The following PADI4 variants were observed in gnomAD, a reference collection of about 807,000 sequenced individuals.
PADI4 encodes peptidyl arginine deiminase 4.
In PADI4, 62 loss-of-function variants were observed where a neutral mutation model predicts 75.0. The observed-to-expected ratio is 0.83, with a 90% CI of 0.67 to 1.02. The LOEUF (loss-of-function observed/expected upper bound fraction) is 1.02, where lower values mean the gene tolerates loss of function less well. PADI4 is among the 50% of genes least tolerant of loss of function. The pLI, the probability that PADI4 is intolerant of heterozygous loss-of-function variation, is 0.00. For synonymous variants in PADI4, 361 were observed against 348.1 expected, an observed-to-expected ratio of 1.04 and a Z score of -0.41; for missense variants, 845 against 850.5, an observed-to-expected ratio of 0.99 and a Z score of 0.08.
rs41266003 is a variant in PADI4 at position 17,346,147 on chromosome 1, C to T, written c.1047+8C>T. 293,544 of 1,576,120 alleles carry T rather than the reference C, an allele frequency of 0.19. 30,646 individuals are homozygous for T. Among genetic ancestry groups the T allele is most frequent in the Non-Finnish European group, 0.22 (246,581 of 1,145,978 alleles). ...GATGACCAGTGGATGCAGGTATGTG[C>T]CCTGCGGGGCAGGCAGGGTGACTGT... is the stretch of plus-strand genomic sequence containing the variant. On this transcript the variant is annotated splice_region_variant and intron_variant, in intron 9 of 15. Transcript: ENST00000375448. The surrounding 1 kb of genome is among the most constrained non-coding windows in gnomAD (Gnocchi z 4.3).
rs2074816388 is a variant in PADI4 at position 17,359,364 on chromosome 1, A to G, written c.1714A>G (p.Lys572Glu). Residue 572 changes from lysine (K) to glutamate (E), a missense_variant, in exon 15 of 16, where the codon AAG becomes GAG. Lys to Glu is a moderately conservative substitution (Grantham distance 56, BLOSUM62 1). Transcript: ENST00000375448. ...CATCATTGACATCCCGCAGCTCTTC[A>G]AGCTCAAAGAGTTCTCTAAGGCGGA... is the stretch of plus-strand genomic sequence containing the variant. The part of the protein sequence containing the change: ...SDIIDIPQLF[K>E]LKEFSKAEAF... 3 of 1,613,932 alleles carry G rather than the reference A, an allele frequency of 1.9e-6. No homozygotes were observed. Among genetic ancestry groups the G allele is most frequent in the African/African-American group, 1.3e-5 (1 of 74,896 alleles).
intron 1 of PADI4, among the ~76,000 whole-genome samples, chr1:17,330,172 C>T (rs2074184742): frequency 6.6e-6 from 1 of 152,138 alleles, no homozygotes; most frequent in African/African-American, 2.4e-5. Flanking sequence ...GTGCCCATCC[C>T]TCTGCTATTT....
At chr1:17,353,379 G>A (rs560045979) in intron 10 of PADI4, among the ~76,000 whole-genome samples, 17 of 152,158 alleles carry the variant, frequency 1.1e-4, no homozygotes, top group East Asian at 3.9e-4. Context: ...AGACGGGACC[G>A]TGATCCTTTG....
intron 1 of PADI4, among the ~76,000 whole-genome samples, chr1:17,310,806 C>CA (rs541885701): frequency 2.6e-5 from 4 of 152,030 alleles, no homozygotes; most frequent in African/African-American, 7.2e-5. Context: ...ACTAAAAATA[C>CA]AAAAAAATTA....
At chr1:17,319,067 C>T (rs1408971702) in intron 1 of PADI4, among the ~76,000 whole-genome samples, 2 of 152,088 alleles carry the variant, frequency 1.3e-5, no homozygotes, top group Non-Finnish European at 2.9e-5. Flanking sequence ...CCTCAGCCTC[C>T]CAAAATGCTG....
intron 13 of PADI4, 128 bp from the exon 14 acceptor site, chr1:17,358,710 G>T (rs1570100023): frequency 1.5e-6 from 1 of 688,306 alleles, no homozygotes; most frequent in East Asian, 2.7e-5. Flanking sequence ...CAGCAAACCT[G>T]TATGGTAAGA....
intron 4 of PADI4, among the ~76,000 whole-genome samples, 198 bp from the exon 5 acceptor site, chr1:17,337,840 G>C (rs1274358842): frequency 6.6e-6 from 1 of 152,114 alleles, no homozygotes; most frequent in African/African-American, 2.4e-5. Flanking sequence ...ACTTCAACCT[G>C]GGGGGTGGAG....
At chr1:17,309,914 TC>T (rs1178001454) in intron 1 of PADI4, among the ~76,000 whole-genome samples, 1 of 152,192 alleles carries the variant, frequency 6.6e-6, no homozygotes, top group Non-Finnish European at 1.5e-5. Context: ...AGGCTAGCCC[TC>T]TACCCAGCGT....
intron 1 of PADI4, among the ~76,000 whole-genome samples, chr1:17,327,714 G>A (rs1161521744): frequency 6.6e-6 from 1 of 151,400 alleles, no homozygotes; most frequent in Non-Finnish European, 1.5e-5. Context: ...GCTAATTTTT[G>A]TATTTTTTTT....
At chr1:17,355,343 G>A (rs948664886) in intron 11 of PADI4, among the ~76,000 whole-genome samples, 14 of 152,198 alleles carry the variant, frequency 9.2e-5, no homozygotes, top group Admixed American at 2.6e-4. Context: ...CCTGAGGTCA[G>A]GAGTTCGAGA....
chr1:17,335,759 G>T (rs1449924667), intron 3 of PADI4, among the ~76,000 whole-genome samples: 1 of 152,244 alleles, frequency 6.6e-6, no homozygotes, highest in Non-Finnish European at 1.5e-5. Flanking sequence ...CCACCCCAAG[G>T]TCACTGAGGG....
At position 17,356,963 on chromosome 1, in the gene PADI4, C is replaced by A. The variant is rs921959622; in HGVS notation, c.1558+504C>A. On this transcript the variant is annotated intron_variant, in intron 13 of 15. Coordinates refer to ENST00000375448, the MANE Select transcript of PADI4 (RefSeq NM_012387.3). The surrounding 1 kb of genome is among the most constrained non-coding windows in gnomAD (Gnocchi z 4.1). ...TCACAGACATGGGCCAGGCCCCGGG[C>A]TGAGATGCCTCTGTGGCTGAGAGCT... Among the ~76,000 whole-genome samples, 8 of 152,252 alleles carry A rather than the reference C, an allele frequency of 5.3e-5. No homozygotes were observed. The highest frequency in any genetic ancestry group is 3.9e-4 in the Admixed American group (6 of 15,296).
intron 1 of PADI4, among the ~76,000 whole-genome samples, chr1:17,327,054 G>A (rs1226024575): frequency 6.6e-6 from 1 of 151,984 alleles, no homozygotes; most frequent in African/African-American, 2.4e-5. Context: ...AGGACTACAC[G>A]TGCATGCCAC....
chr1:17,351,918 C>A (rs1372027201), intron 10 of PADI4, among the ~76,000 whole-genome samples: 13 of 144,748 alleles, frequency 9.0e-5, no homozygotes, highest in Non-Finnish European at 1.7e-4. Flanking sequence ...TGATGGGAGG[C>A]AGTAGGAGAG....
At chr1:17,354,976 C>G (rs1368700355) in intron 11 of PADI4, among the ~76,000 whole-genome samples, 1 of 152,156 alleles carries the variant, frequency 6.6e-6, no homozygotes, top group Non-Finnish European at 1.5e-5. Context: ...AAAGACAAGT[C>G]CTTACCACTA....
intron 1 of PADI4, among the ~76,000 whole-genome samples, chr1:17,322,131 T>C (rs1454122087): frequency 1.3e-5 from 2 of 152,234 alleles, no homozygotes; most frequent in Non-Finnish European, 2.9e-5. Context: ...GGGATGACTT[T>C]GAGTTCTGTC....
chr1:17,363,671 C>A lies in PADI4; in HGVS notation c.1908C>A (p.Tyr636Ter), dbSNP rs764193162. ...CCTTCATCAACGACTTCTTCACCTACCACATCAGGCATGGGGAGGTGCACT... is the reference window on the plus strand; with the variant it reads ...CCTTCATCAACGACTTCTTCACCTAACACATCAGGCATGGGGAGGTGCACT... ...QCTFINDFFT[Y>*]HIRHGEVHCG... is the part of the protein sequence containing the mutation. The change falls in exon 16 of 16, where the codon TAC becomes TAA. Residue 636 changes from tyrosine (Y) to a stop codon, truncating the protein, a stop_gained. Coordinates refer to ENST00000375448, the MANE Select transcript of PADI4 (RefSeq NM_012387.3). LOFTEE classifies it high-confidence loss of function. 2 of 1,614,188 alleles carry A rather than the reference C, an allele frequency of 1.2e-6. No homozygotes were observed. Among genetic ancestry groups the A allele is most frequent in the South Asian group, 2.2e-5 (2 of 91,088 alleles).
intron 10 of PADI4, among the ~76,000 whole-genome samples, chr1:17,352,990 C>A (rs1165842142): frequency 6.6e-6 from 1 of 152,196 alleles, no homozygotes; most frequent in East Asian, 1.9e-4. Flanking sequence ...GCGGAGAACA[C>A]AGGTGTGACC....
At chr1:17,358,779 G>C in intron 13 of PADI4, 59 bp from the exon 14 acceptor site, 1 of 1,145,288 alleles carries the variant, frequency 8.7e-7, no homozygotes, top group Non-Finnish European at 1.3e-6. Flanking sequence ...GCACTGGCTG[G>C]GAAGAGGGAA....
Sources: gnomAD v4.1 joint callset for allele counts (sites outside exome capture counted in the v4.1 genomes callset) on GRCh38, gnomAD v4.1.1 for gene constraint, Gnocchi (gnomAD v3.1) non-coding constraint, MANE v1.5 for transcripts, NCBI Gene and HGNC (gene_info 2026-07-23, HGNC 2026-07-21) for gene names.